ZNF611: variants seen among roughly 807,000 people sequenced by gnomAD.
ZNF611 encodes the protein zinc finger protein 611.
ZNF611 carries 6 observed loss-of-function variants against 8.9 expected under a neutral mutation model. That is an observed-to-expected ratio of 0.68 (90% CI 0.37 to 1.34). ZNF611 has a LOEUF of 1.34. ZNF611 is among the 40% of genes most tolerant of loss of function. ZNF611 has a pLI of 0.02. For missense variants in ZNF611, 874 were observed against 841.3 expected (o/e 1.04, Z -0.48); for synonymous variants, 262 against 279.7 (o/e 0.94, Z 0.63).
At chr19:52,722,209 A>G (rs1268398448) in intron 3 of ZNF611, among the ~76,000 whole-genome samples, 1 of 152,042 alleles carries the variant, frequency 6.6e-6, no homozygotes, top group Non-Finnish European at 1.5e-5. Flanking sequence ...AAAAAATAAA[A>G]TAAAATAAAA....
chr19:52,720,060 C>A (rs1261259631), intron 3 of ZNF611, among the ~76,000 whole-genome samples: 1 of 76,516 alleles, frequency 1.3e-5, no homozygotes, highest in Non-Finnish European at 2.5e-5. Flanking sequence ...GTTGACACAG[C>A]ACGTTTCAGA....
Position 52,705,218 on chromosome 19 carries a change from G to A in ZNF611, c.1837C>T (p.Arg613Cys), listed in dbSNP as rs751736531. 16 of 1,613,818 alleles carry A rather than the reference G, an allele frequency of 9.9e-6. No homozygotes were observed. The highest frequency in any genetic ancestry group is 5.3e-5 in the African/African-American group (4 of 74,836). Reference protein sequence around the residue: ...FSRRSSLHCHRRLHSGEKPYK... With the variant: ...FSRRSSLHCHCRLHSGEKPYK... ...GGTTTCTCACCACTATGAAGTCTAC[G>A]ATGGCAATGAAGGGATGACCTGCGA... Residue 613 changes from arginine (R) to cysteine (C), a missense_variant, in exon 6 of 6, where the codon CGT becomes TGT. Arg to Cys is a radical substitution (Grantham distance 180). Coordinates refer to ENST00000652185, the MANE Select transcript of ZNF611 (RefSeq NM_001161499.2).
At position 52,708,892 on chromosome 19, in the gene ZNF611, T is replaced by C. The variant is rs887283358; in HGVS notation, c.191-2028A>G. The C allele has an allele frequency of 3.2e-4, 49 of 152,260 alleles. 1 individual carries two copies. The highest frequency in any genetic ancestry group is 1.2e-3 in the African/African-American group (49 of 41,560). 9.4% of individuals were successfully genotyped at this position (152,260 alleles called of 1,614,324 possible). A position where few individuals can be genotyped will look rare whatever the true frequency, so the allele number is the denominator to read the frequency against. On this transcript the variant is annotated intron_variant, in intron 5 of 5. Coordinates refer to ENST00000652185, the MANE Select transcript of ZNF611 (RefSeq NM_001161499.2). ...GACTAATAGTATAGAAAAGTGTAATTATGATGTCACAACTACACTTATGTA... is the reference window on the plus strand; with the variant it reads ...GACTAATAGTATAGAAAAGTGTAATCATGATGTCACAACTACACTTATGTA...
chr19:52,712,739 C>T (rs1292589056), intron 5 of ZNF611, among the ~76,000 whole-genome samples: 4 of 152,076 alleles, frequency 2.6e-5, no homozygotes, highest in African/African-American at 7.2e-5. Flanking sequence ...TTCACCCACG[C>T]ACTTCCAAAG....
chr19:52,719,217 G>A (rs776740701), intron 3 of ZNF611, among the ~76,000 whole-genome samples: 2 of 152,100 alleles, frequency 1.3e-5, no homozygotes, highest in Non-Finnish European at 2.9e-5. Context: ...CCAACCACAT[G>A]AATGAAATGA....
chr19:52,717,687 A>G, intron 3 of ZNF611: 1 of 985,024 alleles, frequency 1.0e-6, no homozygotes. Flanking sequence ...CCCATCCTTC[A>G]ACATCTGTAG....
rs200648603 is a variant in ZNF611, at chr19:52,705,436, C to T, written c.1619G>A (p.Cys540Tyr). 1 of 1,614,190 alleles carries T rather than the reference C, an allele frequency of 6.2e-7. No homozygotes were observed. Among genetic ancestry groups the T allele is most frequent in the East Asian group, 2.2e-5 (1 of 44,872 alleles). The change falls in exon 6 of 6, where the codon TGT (cysteine) becomes TAT (tyrosine). Residue 540 changes from cysteine (C) to tyrosine (Y), a missense_variant. By Grantham distance (194) the Cys-to-Tyr change is radical (BLOSUM62 -2). Transcript: ENST00000652185. Reference sequence around the variant, plus strand: ...CGCAAAAGCCTTGTCACAAACCTTACATTTGTATGGTTTCTCTCCAGTATG... The same window carrying T: ...CGCAAAAGCCTTGTCACAAACCTTATATTTGTATGGTTTCTCTCCAGTATG... ...IGHTGEKPYK[C>Y]KVCDKAFACH...
chr19:52,716,015 C>G, intron 3 of ZNF611, 102 bp from the exon 4 acceptor site: 1 of 1,286,934 alleles, frequency 7.8e-7, no homozygotes, highest in Non-Finnish European at 1.1e-6. Context: ...AGAAAGAAGT[C>G]CCCCACTGCC....
intron 5 of ZNF611, among the ~76,000 whole-genome samples, chr19:52,713,446 G>C (rs10422924): frequency 0.38 from 57,206 of 151,944 alleles, 10,940 homozygotes; most frequent in African/African-American, 0.4. Context: ...GTTCAGTCAA[G>C]AGCCTCATAC....
intron 2 of ZNF611, among the ~76,000 whole-genome samples, chr19:52,729,174 C>A (rs548267596): frequency 6.6e-6 from 1 of 151,996 alleles, no homozygotes; most frequent in Non-Finnish European, 1.5e-5. Flanking sequence ...AGTATATATT[C>A]TTCATATTTA....
intron 3 of ZNF611, among the ~76,000 whole-genome samples, chr19:52,727,015 A>G (rs1278946206): frequency 6.6e-6 from 1 of 151,958 alleles, no homozygotes; most frequent in African/African-American, 2.4e-5. Context: ...ACAAGCGCAC[A>G]TGACCATGCC....
chr19:52,703,013 G>A lies in ZNF611; in HGVS notation c.*1924C>T, dbSNP rs1226312238. On this transcript the variant is annotated 3_prime_UTR_variant, in exon 6 of 6. Transcript: ENST00000652185. ...AAATTGTTTTTTAAAAAAATCTAACGAATTCTGGGGTCAACCGGAAAATAA... is the reference window on the plus strand; with the variant it reads ...AAATTGTTTTTTAAAAAAATCTAACAAATTCTGGGGTCAACCGGAAAATAA... The A allele has an allele frequency of 6.6e-6, 1 of 151,898 alleles. No homozygotes were observed. The highest frequency in any genetic ancestry group is 6.6e-5 in the Admixed American group (1 of 15,264). The allele number at this position is 151,898 out of a possible 1,614,324, so 9.4% of individuals were successfully genotyped here.
In ZNF611 at chr19:52,703,472, G is replaced by A. The variant is rs34312893; in HGVS notation, c.*1465C>T. ...AACTTTTGTATTTTTAGTAGAGATG[G>A]GGTTTCACCATGTTAGGGTGCTTTT... On this transcript the variant is annotated 3_prime_UTR_variant, in exon 6 of 6. Transcript: ENST00000652185. The A allele has an allele frequency of 0.37, 56,129 of 151,822 alleles. 10,517 individuals are homozygous for A. The highest frequency in any genetic ancestry group is 0.39 in the East Asian group (2,031 of 5,162). The allele number at this position is 151,822 out of a possible 1,614,324, so 9.4% of individuals were successfully genotyped here.
chr19:52,706,132 A>G lies in ZNF611; in HGVS notation c.923T>C (p.Leu308Pro), dbSNP rs2062242142. ...ATTGTAACGTTTTACTCCAGTATGA[A>G]GTCTACGATGGCAGGTAAGGGATGA... ...QESSLTCHRR[L>P]HTGVKRYNCN... The change falls in exon 6 of 6, where the codon CTT becomes CCT. Residue 308 changes from leucine (L) to proline (P), a missense_variant. Physicochemically the swap from Leu to Pro is moderately conservative, Grantham distance 98 (BLOSUM62 -3). Transcript: ENST00000652185. 6.2e-7 allele frequency: 1 copy of G among 1,614,066 alleles called. No individual in the cohort carries two copies. Among genetic ancestry groups the G allele is most frequent in the African/African-American group, 1.3e-5 (1 of 75,022 alleles).
chr19:52,724,981 A>G (rs1421534910), intron 3 of ZNF611, among the ~76,000 whole-genome samples: 1 of 152,036 alleles, frequency 6.6e-6, no homozygotes, highest in Non-Finnish European at 1.5e-5. Context: ...CTACTTTGCC[A>G]TCTGTTACGG....
At chr19:52,711,501 C>T (rs11084186) in intron 5 of ZNF611, among the ~76,000 whole-genome samples, 66,078 of 151,868 alleles carry the variant, frequency 0.44, 15,100 homozygotes, top group African/African-American at 0.58. Flanking sequence ...AAGGATCCCA[C>T]GACATGTTCT....
chr19:52,730,468 G>A (rs2062419674), intron 1 of ZNF611, among the ~76,000 whole-genome samples: 1 of 149,108 alleles, frequency 6.7e-6, no homozygotes, highest in Non-Finnish European at 1.5e-5. Flanking sequence ...TTGGCCAAAA[G>A]CGATGTTCAG....
In ZNF611 at chr19:52,706,210, G is replaced by A. The variant is rs763402266; in HGVS notation, c.845C>T (p.Thr282Ile). The A allele has an allele frequency of 2.4e-5, 38 of 1,614,062 alleles. No homozygotes were observed. Among genetic ancestry groups the A allele is most frequent in the South Asian group, 7.7e-5 (7 of 91,088 alleles). The change falls in exon 6 of 6, where the codon ACT becomes ATT. Residue 282 changes from threonine (T) to isoleucine (I), a missense_variant. Physicochemically the swap from Thr to Ile is moderately conservative, Grantham distance 89. Transcript: ENST00000652185. ...QYLACHDRCH[T>I]VEKPYKCKEC... ...TTTACACTTGTAAGGTTTCTCAACA[G>A]TGTGACATCTATCATGGCATGCAAG... is the stretch of plus-strand genomic sequence containing the variant.
chr19:52,720,313 C>T (rs2062346691), intron 3 of ZNF611, among the ~76,000 whole-genome samples: 1 of 152,256 alleles, frequency 6.6e-6, no homozygotes, highest in South Asian at 2.1e-4. Flanking sequence ...TCACTTCACA[C>T]TTGGAAGATT....
Sources: allele counts gnomAD v4.1 joint callset (sites outside exome capture counted in the v4.1 genomes callset), GRCh38; gene constraint gnomAD v4.1.1; transcripts MANE v1.5; gene names NCBI Gene and HGNC (gene_info 2026-07-23, HGNC 2026-07-21).